The following NTM variants were observed in gnomAD, a reference collection of about 807,000 sequenced individuals.
NTM encodes the protein IgLON family member 2.
In NTM, 13 loss-of-function variants were observed where a neutral mutation model predicts 42.1. The observed-to-expected ratio is 0.31, with a 90% confidence interval of 0.20 to 0.49. The LOEUF (loss-of-function observed/expected upper bound fraction) is 0.49. Among genes scored for constraint, NTM ranks in the 20% least tolerant of loss-of-function variants. The probability of loss-of-function intolerance (pLI) is 0.99; values close to 1 mark genes in which losing one functional copy is unlikely to be tolerated. For synonymous variants in NTM, 187 were observed against 179.2 expected, an observed-to-expected ratio of 1.04 and a Z score of -0.35; for missense variants, 373 against 452.8, an observed-to-expected ratio of 0.82 and a Z score of 1.60.
intron 2 of NTM, among the ~76,000 whole-genome samples, chr11:132,090,410 T>C (rs2060244001): frequency 6.6e-6 from 1 of 152,100 alleles, no homozygotes; most frequent in African/African-American, 2.4e-5. Flanking sequence ...GTACCCAGGG[T>C]ATGAGTCTTC....
intron 4 of NTM, among the ~76,000 whole-genome samples, chr11:132,293,397 G>A (rs1435510107): frequency 6.6e-6 from 1 of 152,316 alleles, no homozygotes; most frequent in African/African-American, 2.4e-5. Context: ...CCCCGCCTGA[G>A]TATGAGAGTG....
At chr11:132,271,382 CAT>C (rs35097711) in intron 4 of NTM, among the ~76,000 whole-genome samples, 17,922 of 152,056 alleles carry the variant, frequency 0.12, 1,236 homozygotes, top group Non-Finnish European at 0.16. Flanking sequence ...TTTGTGTAGA[CAT>C]ATATTTTCTT....
chr11:131,704,851 A>C (rs1419171383), intron 1 of NTM, among the ~76,000 whole-genome samples: 1 of 152,232 alleles, frequency 6.6e-6, no homozygotes, highest in African/African-American at 2.4e-5. Context: ...AGAGAACTTC[A>C]ACAACAGATT....
chr11:132,086,669 T>C (rs1440295970), intron 2 of NTM, among the ~76,000 whole-genome samples: 1 of 152,228 alleles, frequency 6.6e-6, no homozygotes, highest in African/African-American at 2.4e-5. Flanking sequence ...TCGTATATTC[T>C]TTTTCATTAA....
At chr11:131,448,036 C>T (rs935650411) in intron 1 of NTM, among the ~76,000 whole-genome samples, 3 of 152,232 alleles carry the variant, frequency 2.0e-5, no homozygotes, top group East Asian at 3.9e-4. Flanking sequence ...GAGGGTTGCA[C>T]CCCCACCCTG....
In NTM at chr11:132,214,033, G is replaced by A. The variant is rs1026033982; in HGVS notation, c.526+1886G>A. On this transcript the variant is annotated intron_variant, in intron 4 of 8. Coordinates refer to ENST00000683400, the MANE Select transcript of NTM (RefSeq NM_001352005.2). ...ACAGGCGTGAGCCACCGCGCCCGGC[G>A]GGCCACCATTCTTGACACTGTAACT... Among the ~76,000 whole-genome samples the A allele has an allele frequency of 2.0e-5, 3 of 152,012 alleles. 1 individual carries two copies. Among genetic ancestry groups the A allele is most frequent in the East Asian group, 1.9e-4 (1 of 5,162 alleles).
At chr11:132,300,892 G>C (rs1591839122) in intron 4 of NTM, among the ~76,000 whole-genome samples, 1 of 152,096 alleles carries the variant, frequency 6.6e-6, no homozygotes, top group East Asian at 1.9e-4. Flanking sequence ...ACTTGGAGTG[G>C]GGCTGTTTTT....
At chr11:131,849,319 C>A (rs1037229647) in intron 1 of NTM, among the ~76,000 whole-genome samples, 1 of 152,156 alleles carries the variant, frequency 6.6e-6, no homozygotes, top group East Asian at 1.9e-4. Flanking sequence ...GTTTGATTGG[C>A]TCATGATTCT....
At chr11:132,137,965 T>G (rs2068271858) in intron 2 of NTM, among the ~76,000 whole-genome samples, 1 of 152,180 alleles carries the variant, frequency 6.6e-6, no homozygotes, top group Admixed American at 6.5e-5. Flanking sequence ...ATGCCTTCTA[T>G]TCCATAAGCT....
intron 2 of NTM, among the ~76,000 whole-genome samples, chr11:132,088,229 C>A (rs565585709): frequency 6.6e-6 from 1 of 152,290 alleles, no homozygotes; most frequent in East Asian, 1.9e-4. Context: ...ACATTCCCGA[C>A]CCCTGAGAGT....
intron 3 of NTM, among the ~76,000 whole-genome samples, chr11:132,210,326 T>G (rs2138640584): frequency 6.6e-6 from 1 of 152,296 alleles, no homozygotes; most frequent in Admixed American, 6.5e-5. Flanking sequence ...GTTGAAAGAA[T>G]ATCTGCCAAT....
intron 2 of NTM, among the ~76,000 whole-genome samples, chr11:132,045,674 G>A (rs1193876554): frequency 2.0e-5 from 3 of 152,152 alleles, no homozygotes; most frequent in Non-Finnish European, 2.9e-5. Context: ...ATCAGAGACA[G>A]GGTTTCCTCA....
chr11:132,164,374 T>A lies in NTM; in HGVS notation c.400+17860T>A, dbSNP rs138354670. On this transcript the variant is annotated intron_variant, in intron 3 of 8. Transcript: ENST00000683400. ...GCATATGGTCATTGTTTTTGCTGTGTGGAAAGGACCATCCATTAGACATCA... is the reference window on the plus strand; with the variant it reads ...GCATATGGTCATTGTTTTTGCTGTGAGGAAAGGACCATCCATTAGACATCA... Among the ~76,000 whole-genome samples the A allele has an allele frequency of 3.0e-3, 461 of 152,292 alleles. 2 individuals are homozygous for A. Among genetic ancestry groups the A allele is most frequent in the African/African-American group, 0.011 (442 of 41,558 alleles).
chr11:131,738,796 G>A (rs1048740987), intron 1 of NTM, among the ~76,000 whole-genome samples: 36 of 152,176 alleles, frequency 2.4e-4, no homozygotes, highest in African/African-American at 8.0e-4. Flanking sequence ...AATGTGATGG[G>A]CATTCCTTCA....
intron 1 of NTM, among the ~76,000 whole-genome samples, chr11:131,862,963 T>G (rs1352550399): frequency 6.6e-6 from 1 of 152,224 alleles, no homozygotes; most frequent in Admixed American, 6.5e-5. Flanking sequence ...CTGAAGCTTA[T>G]CCTGTCTAAA....
chr11:132,065,132 G>GAATCATGAA (rs1398945529), intron 2 of NTM, among the ~76,000 whole-genome samples: 2 of 152,166 alleles, frequency 1.3e-5, no homozygotes, highest in Non-Finnish European at 2.9e-5. Flanking sequence ...GGATCACCAG[G>GAATCATGAA]AATCATGAAA....
intron 2 of NTM, among the ~76,000 whole-genome samples, chr11:131,983,037 A>C (rs2065495434): frequency 6.7e-6 from 1 of 149,446 alleles, no homozygotes; most frequent in African/African-American, 2.5e-5. Context: ...TTCCTTAGCT[A>C]CTCAAAGGAA....
chr11:131,424,227 GA>G (rs1357654767), intron 1 of NTM, among the ~76,000 whole-genome samples: 3 of 151,664 alleles, frequency 2.0e-5, no homozygotes, highest in African/African-American at 4.8e-5. Flanking sequence ...GGAAAGAAAG[GA>G]AAAAAAAGAA....
At chr11:131,453,062 A>C (rs1225343253) in intron 1 of NTM, among the ~76,000 whole-genome samples, 1 of 152,218 alleles carries the variant, frequency 6.6e-6, no homozygotes, top group Non-Finnish European at 1.5e-5. Context: ...CTGTCCAAAA[A>C]GCAGAGATAT....
Sources: allele counts gnomAD v4.1 joint callset (sites outside exome capture counted in the v4.1 genomes callset), GRCh38; gene constraint gnomAD v4.1.1; transcripts MANE v1.5; gene names NCBI Gene and HGNC (gene_info 2026-07-23, HGNC 2026-07-21).